RBFOX1: variants seen among roughly 807,000 people sequenced by gnomAD.
RBFOX1 encodes the protein RNA binding protein fox-1 homolog 1.
RBFOX1 carries 8 observed loss-of-function variants against 57.7 expected under a neutral mutation model. The ratio of observed to expected loss-of-function variants is 0.14; its 90% CI spans 0.08 to 0.25. The LOEUF is 0.25. Among genes scored for constraint, RBFOX1 ranks in the 10% least tolerant of loss-of-function variants. The pLI, the probability that RBFOX1 is intolerant of heterozygous loss-of-function variation, is 1.00. For missense variants in RBFOX1, 611 were observed against 548.5 expected, an observed-to-expected ratio of 1.11 and a Z score of -1.14; for synonymous variants, 326 against 222.4, an observed-to-expected ratio of 1.47 and a Z score of -4.15.
intron 2 of RBFOX1, among the ~76,000 whole-genome samples, chr16:6,439,281 G>C (rs1048553840): frequency 6.6e-6 from 1 of 152,194 alleles, no homozygotes; most frequent in African/African-American, 2.4e-5. Context: ...ACTGCAGTCA[G>C]GAAGGTATAA....
At chr16:5,592,791 C>T (rs750101136) in intron 2 of RBFOX1, among the ~76,000 whole-genome samples, 3 of 152,204 alleles carry the variant, frequency 2.0e-5, no homozygotes, top group African/African-American at 4.8e-5. Flanking sequence ...GCTCCTCAGC[C>T]TGCTTGCTTT....
intron 2 of RBFOX1, among the ~76,000 whole-genome samples, chr16:6,442,173 T>A (rs190134794): frequency 6.6e-6 from 1 of 152,294 alleles, no homozygotes; most frequent in African/African-American, 2.4e-5. Context: ...AGAGCTTGAC[T>A]TAGTGGTAGC....
intron 5 of RBFOX1, chr16:7,519,793 T>C (rs1220529608): frequency 2.8e-5 from 24 of 860,308 alleles, no homozygotes; most frequent in South Asian, 5.3e-5. Flanking sequence ...CTTTGAAGCA[T>C]GATACATTTC....
intron 1 of RBFOX1, among the ~76,000 whole-genome samples, chr16:5,298,830 GA>G (rs1021355397): frequency 4.2e-5 from 2 of 47,888 alleles, no homozygotes; most frequent in African/African-American, 1.7e-4. Context: ...AAAAGAGGCA[GA>G]AAAAAAGCAA....
At chr16:6,864,894 T>G (rs1205548829) in intron 3 of RBFOX1, among the ~76,000 whole-genome samples, 2 of 152,058 alleles carry the variant, frequency 1.3e-5, no homozygotes, top group Admixed American at 6.6e-5. Context: ...AAGAGGGGCG[T>G]TTTTGGTTTC....
At chr16:7,018,351 C>T (rs904126836) in intron 3 of RBFOX1, among the ~76,000 whole-genome samples, 2 of 152,094 alleles carry the variant, frequency 1.3e-5, no homozygotes, top group South Asian at 4.1e-4. Flanking sequence ...TTCAGGCCAC[C>T]TCCATTAAGA....
chr16:5,418,373 A>T (rs1251022005), intron 1 of RBFOX1, among the ~76,000 whole-genome samples: 1 of 152,104 alleles, frequency 6.6e-6, no homozygotes, highest in Non-Finnish European at 1.5e-5. Flanking sequence ...GAAGATGCAC[A>T]GGGGAAATAC....
intron 2 of RBFOX1, among the ~76,000 whole-genome samples, chr16:6,345,325 C>T (rs866264183): frequency 1.3e-5 from 2 of 152,162 alleles, no homozygotes; most frequent in Non-Finnish European, 2.9e-5. Context: ...GGCAGTGTGC[C>T]CAGAGGCAGT....
intron 3 of RBFOX1, among the ~76,000 whole-genome samples, chr16:5,830,951 C>T (rs772688864): frequency 3.6e-5 from 5 of 137,422 alleles, no homozygotes; most frequent in African/African-American, 5.2e-5. Context: ...ACTGTCTCAC[C>T]TGCCACCATT....
At chr16:7,121,070 A>G (rs1038969183) in intron 4 of RBFOX1, among the ~76,000 whole-genome samples, 3 of 152,006 alleles carry the variant, frequency 2.0e-5, no homozygotes, top group African/African-American at 7.2e-5. Flanking sequence ...ATCTACATTG[A>G]TGATAAAAAC....
chr16:7,321,684 G>A (rs1270953045), intron 4 of RBFOX1, among the ~76,000 whole-genome samples: 6 of 152,192 alleles, frequency 3.9e-5, no homozygotes, highest in Non-Finnish European at 1.5e-5. Flanking sequence ...AAGATGTTTG[G>A]CAAATAATAA....
chr16:7,283,084 A>G (rs759932656), intron 4 of RBFOX1, among the ~76,000 whole-genome samples: 1 of 152,124 alleles, frequency 6.6e-6, no homozygotes, highest in Non-Finnish European at 1.5e-5. Context: ...TCTTTTTTGT[A>G]TAACGACTTT....
chr16:7,330,332 T>C (rs1322013698), intron 4 of RBFOX1, among the ~76,000 whole-genome samples: 2 of 151,992 alleles, frequency 1.3e-5, no homozygotes, highest in Non-Finnish European at 2.9e-5. Flanking sequence ...TACTCTATTG[T>C]TTAGGAAATA....
At chr16:6,242,212 C>A (rs1336563984) in intron 1 of RBFOX1, among the ~76,000 whole-genome samples, 1 of 151,990 alleles carries the variant, frequency 6.6e-6, no homozygotes, top group East Asian at 1.9e-4. Context: ...TACTATAAGA[C>A]TGATAAGTAC....
At chr16:6,386,096 C>T (rs560271307) in intron 2 of RBFOX1, among the ~76,000 whole-genome samples, 13 of 152,210 alleles carry the variant, frequency 8.5e-5, no homozygotes, top group African/African-American at 2.2e-4. Context: ...CCACCGCGCC[C>T]GGCTAACTTT....
intron 4 of RBFOX1, among the ~76,000 whole-genome samples, chr16:5,953,635 T>A (rs1417375648): frequency 6.6e-6 from 1 of 151,938 alleles, no homozygotes. Context: ...AATAATAGTC[T>A]CTAATCTCAT....
chr16:7,112,496 C>T (rs113741393), intron 4 of RBFOX1, among the ~76,000 whole-genome samples: 2,686 of 152,064 alleles, frequency 0.018, 86 homozygotes, highest in African/African-American at 0.062. Flanking sequence ...CATGAGCCAC[C>T]GTGCCCAGCC....
chr16:6,250,878 C>G (rs1017236819), intron 1 of RBFOX1, among the ~76,000 whole-genome samples: 6 of 152,076 alleles, frequency 3.9e-5, no homozygotes, highest in Admixed American at 1.3e-4. Context: ...TTTGGATTAT[C>G]CAACCTGGTT....
intron 2 of RBFOX1, among the ~76,000 whole-genome samples, chr16:5,597,156 C>T (rs1201030089): frequency 2.6e-5 from 4 of 151,108 alleles, no homozygotes; most frequent in African/African-American, 4.9e-5. Context: ...TAGCTTCTGT[C>T]CCCCTCTGTT....
Sources: gnomAD v4.1 joint callset for allele counts (sites outside exome capture counted in the v4.1 genomes callset) on GRCh38, gnomAD v4.1.1 for gene constraint, MANE v1.5 for transcripts, NCBI Gene and HGNC (gene_info 2026-07-23, HGNC 2026-07-21) for gene names.